The following SPAG16 variants were observed in gnomAD, a reference collection of about 807,000 sequenced individuals.
SPAG16 encodes the protein sperm associated antigen 16.
SPAG16 carries 86 observed loss-of-function variants against 80.4 expected under a neutral mutation model. The ratio of observed to expected loss-of-function variants is 1.07; its 90% CI spans 0.90 to 1.28. The LOEUF (loss-of-function observed/expected upper bound fraction) is 1.28, where lower values mean the gene tolerates loss of function less well. Among genes scored for constraint, SPAG16 ranks in the 50% most tolerant of loss-of-function variants. The pLI, the probability that SPAG16 is intolerant of heterozygous loss-of-function variation, is 0.00. For missense variants in SPAG16, 870 were observed against 765.3 expected, an observed-to-expected ratio of 1.14 and a Z score of -1.61; for synonymous variants, 294 against 265.9, an observed-to-expected ratio of 1.11 and a Z score of -1.03.
chr2:213,405,337 A>G (rs2068553751), intron 9 of SPAG16, among the ~76,000 whole-genome samples: 1 of 152,206 alleles, frequency 6.6e-6, no homozygotes, highest in Non-Finnish European at 1.5e-5. Flanking sequence ...TTAAAATTTT[A>G]TACTATCATG....
chr2:213,284,498 A>T lies in SPAG16; in HGVS notation c.15A>T (p.Arg5=). The change falls in exon 1 of 16, where the codon CGA becomes CGT. Residue 5 remains arginine, a synonymous_variant. Coordinates refer to ENST00000331683, the MANE Select transcript of SPAG16 (RefSeq NM_024532.5). MAAQ[R]GMPSSAVRVL... is the part of the protein sequence containing the mutation. ...AAGCGCCAGAGATGGCTGCTCAGCG[A>T]GGGATGCCCAGCTCCGCCGTGAGGG... 4 of 1,573,278 alleles carry T rather than the reference A, an allele frequency of 2.5e-6. No individual in the cohort carries two copies. The highest frequency in any genetic ancestry group is 3.4e-6 in the Non-Finnish European group (4 of 1,159,686).
At chr2:213,691,077 C>T (rs562030023) in intron 10 of SPAG16, among the ~76,000 whole-genome samples, 2 of 152,292 alleles carry the variant, frequency 1.3e-5, no homozygotes, top group Non-Finnish European at 2.9e-5. Flanking sequence ...GGCCCCACCT[C>T]TTAATACTAT....
intron 10 of SPAG16, among the ~76,000 whole-genome samples, chr2:213,746,834 C>T (rs1559432862): frequency 6.6e-6 from 1 of 152,006 alleles, no homozygotes; most frequent in Non-Finnish European, 1.5e-5. Context: ...AAAAGTATAG[C>T]ACATATGATT....
chr2:213,356,560 G>A (rs7319160), intron 7 of SPAG16, among the ~76,000 whole-genome samples: 39,476 of 152,126 alleles, frequency 0.26, 5,924 homozygotes, highest in Middle Eastern at 0.45. Context: ...ATTCTCTGAT[G>A]GTAGTTTGTA....
chr2:214,291,509 T>G (rs979666181), intron 15 of SPAG16, among the ~76,000 whole-genome samples: 1 of 151,146 alleles, frequency 6.6e-6, no homozygotes. Context: ...GTTTCACCGT[T>G]TTAGCCGGGA....
At position 213,814,656 on chromosome 2, in the gene SPAG16, G is replaced by A. The variant is rs2556332; in HGVS notation, c.1071-47829G>A. Among the ~76,000 whole-genome samples, 750 of 152,218 alleles carry A rather than the reference G, an allele frequency of 4.9e-3. 7 individuals carry two copies. Among genetic ancestry groups the A allele is most frequent in the African/African-American group, 0.017 (714 of 41,516 alleles). On this transcript the variant is annotated intron_variant, in intron 10 of 15. Coordinates refer to ENST00000331683, the MANE Select transcript of SPAG16 (RefSeq NM_024532.5). ...AATACAAAAATTACCTGGGCATAGT[G>A]GCACACGCCTGTAATCCCAGCTACT...
intron 13 of SPAG16, among the ~76,000 whole-genome samples, chr2:214,023,994 C>A (rs541382708): frequency 2.1e-4 from 32 of 151,502 alleles, no homozygotes; most frequent in Admixed American, 1.4e-3. Flanking sequence ...AAAATAATTT[C>A]TTTATACTTC....
intron 9 of SPAG16, among the ~76,000 whole-genome samples, chr2:213,401,882 A>G (rs1268265399): frequency 6.6e-6 from 1 of 152,106 alleles, no homozygotes; most frequent in Non-Finnish European, 1.5e-5. Context: ...GTTTGCTCTG[A>G]AAAAATTTAG....
At chr2:213,965,048 A>G (rs2044639992) in intron 12 of SPAG16, among the ~76,000 whole-genome samples, 1 of 152,146 alleles carries the variant, frequency 6.6e-6, no homozygotes, top group African/African-American at 2.4e-5. Flanking sequence ...ATACAATGCA[A>G]TGTTCAGTAT....
chr2:213,834,990 A>G (rs531375802), intron 10 of SPAG16, among the ~76,000 whole-genome samples: 33 of 152,256 alleles, frequency 2.2e-4, no homozygotes, highest in African/African-American at 7.7e-4. Context: ...AGGTTGCAAA[A>G]TATATTTGAA....
intron 15 of SPAG16, among the ~76,000 whole-genome samples, chr2:214,224,428 T>A (rs1386942262): frequency 1.3e-5 from 2 of 152,320 alleles, no homozygotes; most frequent in East Asian, 3.9e-4. Context: ...TTCTTCAGTA[T>A]GTGCAAATAC....
intron 10 of SPAG16, among the ~76,000 whole-genome samples, chr2:213,719,800 C>T (rs1000812429): frequency 2.0e-5 from 3 of 152,112 alleles, no homozygotes; most frequent in African/African-American, 7.2e-5. Context: ...GGATCTAGAA[C>T]CAGAAATACC....
At chr2:213,849,997 A>G (rs569693848) in intron 10 of SPAG16, among the ~76,000 whole-genome samples, 8 of 152,224 alleles carry the variant, frequency 5.3e-5, no homozygotes, top group Non-Finnish European at 8.8e-5. Flanking sequence ...ATATAAAACT[A>G]TGTAGCATAA....
At chr2:213,459,010 C>T (rs1394459661) in intron 9 of SPAG16, among the ~76,000 whole-genome samples, 3 of 152,132 alleles carry the variant, frequency 2.0e-5, no homozygotes, top group East Asian at 1.9e-4. Context: ...CTTGCTTCTT[C>T]GTCATTTTCT....
chr2:213,428,544 C>T (rs1483912748), intron 9 of SPAG16, among the ~76,000 whole-genome samples: 1 of 152,138 alleles, frequency 6.6e-6, no homozygotes, highest in Non-Finnish European at 1.5e-5. Flanking sequence ...TTTGGGGCAA[C>T]AGAGGGGCTC....
intron 9 of SPAG16, among the ~76,000 whole-genome samples, chr2:213,395,523 A>AT (rs772594287): frequency 9.9e-5 from 15 of 151,850 alleles, no homozygotes; most frequent in Non-Finnish European, 1.8e-4. Flanking sequence ...GTGTTTAGAG[A>AT]TTTTCCGGTT....
intron 9 of SPAG16, among the ~76,000 whole-genome samples, chr2:213,447,832 G>A (rs1460161273): frequency 6.6e-6 from 1 of 152,224 alleles, no homozygotes; most frequent in Non-Finnish European, 1.5e-5. Context: ...AAAGTATAAT[G>A]TTGGTTCGAG....
chr2:214,321,073 C>T (rs1382137040), intron 15 of SPAG16, among the ~76,000 whole-genome samples: 1 of 152,136 alleles, frequency 6.6e-6, no homozygotes, highest in Admixed American at 6.5e-5. Context: ...GAAAGTACTA[C>T]AGTAAGCTGT....
intron 9 of SPAG16, among the ~76,000 whole-genome samples, chr2:213,406,789 G>T (rs886220803): frequency 2.6e-5 from 4 of 151,984 alleles, no homozygotes; most frequent in Non-Finnish European, 5.9e-5. Flanking sequence ...ACAATTTGGG[G>T]TCTCTCCCGG....
Sources: gnomAD v4.1 joint callset for allele counts (sites outside exome capture counted in the v4.1 genomes callset) on GRCh38, gnomAD v4.1.1 for gene constraint, MANE v1.5 for transcripts, NCBI Gene and HGNC (gene_info 2026-07-23, HGNC 2026-07-21) for gene names.